Variants in MACROD2 observed in about 807,000 individuals in gnomAD.
MACROD2 encodes the protein ADP-ribose glycohydrolase MACROD2.
In MACROD2, 36 loss-of-function variants were observed where a neutral mutation model predicts 70.4. That is an observed-to-expected ratio of 0.51 (90% CI 0.39 to 0.68). MACROD2 has a LOEUF of 0.68. MACROD2 is among the 30% of genes least tolerant of loss of function. The probability of loss-of-function intolerance (pLI) is 0.00; values close to 1 mark genes in which losing one functional copy is unlikely to be tolerated. For missense variants in MACROD2, 496 were observed against 538.4 expected (o/e 0.92, Z 0.78); for synonymous variants, 172 against 178.8 (o/e 0.96, Z 0.30).
At chr20:15,028,750 G>T (rs1374053965) in intron 5 of MACROD2, among the ~76,000 whole-genome samples, 2 of 152,196 alleles carry the variant, frequency 1.3e-5, no homozygotes, top group Non-Finnish European at 2.9e-5. Flanking sequence ...GACTGGTAAA[G>T]GTGGACAGTC....
chr20:14,146,976 T>G (rs1412673267), intron 3 of MACROD2, among the ~76,000 whole-genome samples: 1 of 152,136 alleles, frequency 6.6e-6, no homozygotes, highest in Non-Finnish European at 1.5e-5. Context: ...GTTCCCTAGG[T>G]GAGTCTAAGC....
At chr20:15,345,944 G>A (rs1405569578) in intron 6 of MACROD2, among the ~76,000 whole-genome samples, 1 of 152,106 alleles carries the variant, frequency 6.6e-6, no homozygotes, top group East Asian at 1.9e-4. Flanking sequence ...TAGCCAAGTA[G>A]GGAGACCTAG....
At chr20:14,128,081 A>G (rs560629562) in intron 3 of MACROD2, 1 of 557,596 alleles carries the variant, frequency 1.8e-6, no homozygotes, top group South Asian at 1.4e-5. Flanking sequence ...GGGGAGTATT[A>G]TCTCAAGCAG....
intron 3 of MACROD2, among the ~76,000 whole-genome samples, chr20:14,311,934 G>T (rs1424438851): frequency 6.6e-6 from 1 of 152,014 alleles, no homozygotes; most frequent in Non-Finnish European, 1.5e-5. Flanking sequence ...ACACTGTTTT[G>T]TGAATTATAC....
chr20:15,546,138 G>C (rs2048023317), intron 8 of MACROD2, among the ~76,000 whole-genome samples: 2 of 152,166 alleles, frequency 1.3e-5, no homozygotes, highest in Middle Eastern at 3.2e-3. Context: ...TCAGCTACTT[G>C]GGAGGCTGAG....
intron 12 of MACROD2, among the ~76,000 whole-genome samples, chr20:15,951,351 A>ACACACACAC (rs71192308): frequency 2.0e-5 from 3 of 149,078 alleles, no homozygotes; most frequent in Non-Finnish European, 4.5e-5. Context: ...ACACACACAC[A>ACACACACAC]AAGAGAGAGA....
chr20:15,250,605 C>T (rs1358469626), intron 6 of MACROD2, among the ~76,000 whole-genome samples: 1 of 152,116 alleles, frequency 6.6e-6, no homozygotes, highest in Non-Finnish European at 1.5e-5. Flanking sequence ...ATCATTTCAA[C>T]ATTTTATGTT....
intron 3 of MACROD2, among the ~76,000 whole-genome samples, chr20:14,424,937 C>T (rs1568606167): frequency 6.6e-6 from 1 of 152,130 alleles, no homozygotes; most frequent in Admixed American, 6.6e-5. Context: ...TGTCAAAAGA[C>T]CATAGGTTTA....
intron 10 of MACROD2, among the ~76,000 whole-genome samples, chr20:15,902,297 T>C (rs531891494): frequency 6.6e-6 from 1 of 151,966 alleles, no homozygotes; most frequent in Non-Finnish European, 1.5e-5. Flanking sequence ...ATATATAATA[T>C]ATGTATTAAT....
chr20:14,141,747 GAAAAAAAAA>G (rs3043659), intron 3 of MACROD2, among the ~76,000 whole-genome samples: 65 of 66,862 alleles, frequency 9.7e-4, no homozygotes, highest in Non-Finnish European at 1.4e-3. Flanking sequence ...CTCCATCTCA[GAAAAAAAAA>G]AAAAAAAAAA....
At chr20:13,998,954 CAAAA>C (rs11476537) in intron 1 of MACROD2, among the ~76,000 whole-genome samples, 7 of 99,544 alleles carry the variant, frequency 7.0e-5, no homozygotes, top group Admixed American at 2.9e-4. Flanking sequence ...GACTCCGTCT[CAAAA>C]AAAAAAAAAA....
chr20:15,912,462 T>C (rs2065251265), intron 10 of MACROD2, among the ~76,000 whole-genome samples: 1 of 152,234 alleles, frequency 6.6e-6, no homozygotes, highest in Admixed American at 6.5e-5. Context: ...TGAAGTAATG[T>C]GAAGAGCCAG....
At chr20:14,450,536 A>C (rs960639787) in intron 3 of MACROD2, among the ~76,000 whole-genome samples, 2 of 152,132 alleles carry the variant, frequency 1.3e-5, no homozygotes, top group Admixed American at 1.3e-4. Flanking sequence ...AGAAGTAAAA[A>C]TCACATTGAG....
chr20:15,759,111 A>T (rs1394716451), intron 8 of MACROD2, among the ~76,000 whole-genome samples: 3 of 135,318 alleles, frequency 2.2e-5, no homozygotes, highest in East Asian at 2.4e-4. Flanking sequence ...GCGCCACTGT[A>T]CTCCAGCCTG....
chr20:14,888,086 G>C (rs1047299586), intron 5 of MACROD2: 2 of 152,050 alleles, frequency 1.3e-5, no homozygotes. Flanking sequence ...TTAGTGGGTG[G>C]TCTCATTACC....
At chr20:15,248,422 G>T (rs992528712) in intron 6 of MACROD2, among the ~76,000 whole-genome samples, 5 of 151,934 alleles carry the variant, frequency 3.3e-5, no homozygotes, top group African/African-American at 9.7e-5. Flanking sequence ...AATTGTCTTT[G>T]TGGCCACCTC....
chr20:15,412,170 A>G (rs1286354722), intron 6 of MACROD2, among the ~76,000 whole-genome samples: 1 of 152,208 alleles, frequency 6.6e-6, no homozygotes, highest in African/African-American at 2.4e-5. Flanking sequence ...GCTGTAAACA[A>G]TATTAGTTGT....
At chr20:15,433,370 C>T (rs907124256) in intron 7 of MACROD2, among the ~76,000 whole-genome samples, 3 of 146,570 alleles carry the variant, frequency 2.0e-5, no homozygotes, top group African/African-American at 7.7e-5. Context: ...GATACCAAAT[C>T]CATGTACAGA....
At chr20:14,723,169 G>A (rs1425009212) in intron 5 of MACROD2, among the ~76,000 whole-genome samples, 1 of 152,110 alleles carries the variant, frequency 6.6e-6, no homozygotes, top group African/African-American at 2.4e-5. Flanking sequence ...TTGGTGTAGT[G>A]ACTGTGTGGT....
Sources: allele counts gnomAD v4.1 joint callset (sites outside exome capture counted in the v4.1 genomes callset), GRCh38; gene constraint gnomAD v4.1.1; transcripts MANE v1.5; gene names NCBI Gene and HGNC (gene_info 2026-07-23, HGNC 2026-07-21).